The following IL17RD variants were observed in gnomAD, a reference collection of about 807,000 sequenced individuals.
IL17RD encodes the protein interleukin 17 receptor D, also known as interleukin-17 receptor D.
In IL17RD, 52 loss-of-function variants were observed where a neutral mutation model predicts 80.5. That is an observed-to-expected ratio of 0.65 (90% CI 0.52 to 0.81). The LOEUF (loss-of-function observed/expected upper bound fraction) is 0.81. Among genes scored for constraint, IL17RD ranks in the 40% least tolerant of loss-of-function variants. The pLI is 0.00. For missense variants in IL17RD, 1,024 were observed against 955.1 expected, an observed-to-expected ratio of 1.07 and a Z score of -0.95; for synonymous variants, 416 against 391.8, an observed-to-expected ratio of 1.06 and a Z score of -0.73.
chr3:57,110,771 T>C (rs56723425), intron 3 of IL17RD, among the ~76,000 whole-genome samples: 9,432 of 152,322 alleles, frequency 0.062, 403 homozygotes, highest in African/African-American at 0.12. Flanking sequence ...CTGAGCAACA[T>C]ACAAAATTCC....
intron 1 of IL17RD, chr3:57,150,336 T>C (rs182149887): frequency 6.6e-6 from 1 of 152,430 alleles, no homozygotes; most frequent in East Asian, 1.9e-4. Context: ...CAGCCGTCCA[T>C]CTGAGACAGG....
Position 57,092,151 on chromosome 3 carries a change from G to A in IL17RD, c.*4242C>T, listed in dbSNP as rs1278536744. Reference sequence around the variant, plus strand: ...ATGCAAATACCTGGCTCTAATGGACGCTAGGAGGTTCCTTGCCTTACTCTC... The same window carrying A: ...ATGCAAATACCTGGCTCTAATGGACACTAGGAGGTTCCTTGCCTTACTCTC... On this transcript the variant is annotated 3_prime_UTR_variant, in exon 13 of 13. Transcript: ENST00000296318. The A allele has an allele frequency of 2.0e-5, 3 of 152,618 alleles. No homozygotes were observed. Among genetic ancestry groups the A allele is most frequent in the East Asian group, 1.9e-4 (1 of 5,196 alleles). The allele number at this position is 152,618 out of a possible 1,614,324, so 9.5% of individuals were successfully genotyped here.
chr3:57,124,079 G>A (rs1027879745), intron 1 of IL17RD, among the ~76,000 whole-genome samples: 1 of 151,992 alleles, frequency 6.6e-6, no homozygotes, highest in Non-Finnish European at 1.5e-5. Flanking sequence ...TTTCATTCCT[G>A]GAATTCCTCA....
At chr3:57,169,176 A>T, upstream of IL17RD, 1 of 499,716 alleles carries the variant, frequency 2.0e-6, no homozygotes, top group Non-Finnish European at 4.0e-6. Flanking sequence ...TCAGCTGTGG[A>T]GGTGACCAGA....
At chr3:57,152,768 T>C (rs1443140616) in intron 1 of IL17RD, among the ~76,000 whole-genome samples, 1 of 152,194 alleles carries the variant, frequency 6.6e-6, no homozygotes, top group African/African-American at 2.4e-5. Flanking sequence ...CGGACTCTAA[T>C]AAAATAATGT....
chr3:57,114,621 T>G, intron 3 of IL17RD, 71 bp downstream of exon 3: 1 of 1,442,034 alleles, frequency 6.9e-7, no homozygotes, highest in Non-Finnish European at 9.3e-7. Flanking sequence ...CTGGAGACCA[T>G]CATGTGGGAC....
In IL17RD at chr3:57,102,461, C is replaced by A. The variant is rs776180871; in HGVS notation, c.979+18G>T. ...GCCTGCCCCTTGTTGTGGGGAGACA[C>A]AGCACACAAAGAGATACCTTGTTGC... On this transcript the variant is annotated intron_variant, in intron 10 of 12. Coordinates refer to ENST00000296318, the MANE Select transcript of IL17RD (RefSeq NM_017563.5). The A allele has an allele frequency of 7.0e-7, 1 of 1,420,620 alleles. No homozygotes were observed. Among genetic ancestry groups the A allele is most frequent in the Non-Finnish European group, 9.7e-7 (1 of 1,031,708 alleles). The allele number at this position is 1,420,620 out of a possible 1,614,324, so 88.0% of individuals were successfully genotyped here.
At chr3:57,130,509 A>C (rs141135756) in intron 1 of IL17RD, among the ~76,000 whole-genome samples, 1 of 152,342 alleles carries the variant, frequency 6.6e-6, no homozygotes, top group East Asian at 1.9e-4. Flanking sequence ...CTAAAGCCAG[A>C]GTGACCCTTC....
chr3:57,150,813 C>G (rs1296812414), intron 1 of IL17RD, among the ~76,000 whole-genome samples: 2 of 152,160 alleles, frequency 1.3e-5, no homozygotes, highest in African/African-American at 4.8e-5. Flanking sequence ...AAGAGGAATT[C>G]AGAAGAGTCA....
chr3:57,119,542 A>G (rs1216807529), intron 2 of IL17RD, among the ~76,000 whole-genome samples: 1 of 152,056 alleles, frequency 6.6e-6, no homozygotes, highest in Non-Finnish European at 1.5e-5. Context: ...AAAGAAAAAG[A>G]AAAGAAAAGA....
Position 57,114,786 on chromosome 3 carries a change from CT to C in IL17RD, c.215del (p.Lys72SerfsTer3). Reference sequence around the variant, plus strand: ...TATTCTGGGCGTCAGCAATCACATGCTTCCCCACTGGATTCAAGTAGGTGGT... The same window carrying C: ...TATTCTGGGCGTCAGCAATCACATGCTCCCCACTGGATTCAAGTAGGTGGT... ...NCTTYLNPVG[K>X]HVIADAQNIT... On this transcript the variant is annotated frameshift_variant, in exon 3 of 13. Coordinates refer to ENST00000296318, the MANE Select transcript of IL17RD (RefSeq NM_017563.5). LOFTEE classifies it high-confidence loss of function. 1 of 1,610,640 alleles carries C rather than the reference CT, an allele frequency of 6.2e-7. No homozygotes were observed. Among genetic ancestry groups the C allele is most frequent in the Non-Finnish European group, 8.5e-7 (1 of 1,178,556 alleles).
intron 1 of IL17RD, among the ~76,000 whole-genome samples, chr3:57,135,054 G>A (rs1707695858): frequency 6.6e-6 from 1 of 152,146 alleles, no homozygotes; most frequent in Admixed American, 6.5e-5. Context: ...GTAGCAGTGA[G>A]CCATGATCAC....
rs373861269 is a variant in IL17RD at position 57,144,340 on chromosome 3, C to T, written c.126+20821G>A. ...GCTCACCATCTCTTCCTTTCCCTAG[C>T]CGTTCACCATCTCTTCCTCCTCTGG... On this transcript the variant is annotated intron_variant, in intron 1 of 12. Transcript: ENST00000296318. Among the ~76,000 whole-genome samples the T allele has an allele frequency of 5.3e-5, 8 of 152,322 alleles. No homozygotes were observed. In the East Asian group the frequency reaches 1.2e-3, roughly 22 times the overall value.
chr3:57,096,328 A>C lies in IL17RD; in HGVS notation c.*65T>G, dbSNP rs1706670174. 5 of 1,073,850 alleles carry C rather than the reference A, an allele frequency of 4.7e-6. No homozygotes were observed. The Admixed American group carries it at 5.1e-5, about 11-fold the overall frequency. 66.5% of individuals were successfully genotyped at this position (1,073,850 alleles called of 1,614,324 possible). A position where few individuals can be genotyped will look rare whatever the true frequency, so the allele number is the denominator to read the frequency against. On this transcript the variant is annotated 3_prime_UTR_variant, in exon 13 of 13. Transcript: ENST00000296318. ...CTCCAAGTGGGCCATGCAACCAGGG[A>C]GATGAGCTGGGGAATCAGAGGGAGG...
intron 1 of IL17RD, chr3:57,134,426 G>A (rs968912206): frequency 6.7e-6 from 5 of 749,054 alleles, no homozygotes; most frequent in Non-Finnish European, 1.2e-5. Flanking sequence ...CTTGGATGAG[G>A]AGAATGCGGA....
Position 57,102,461 on chromosome 3 carries a change from C to T in IL17RD, c.979+18G>A. On this transcript the variant is annotated intron_variant, in intron 10 of 12. Coordinates refer to ENST00000296318, the MANE Select transcript of IL17RD (RefSeq NM_017563.5). ...GCCTGCCCCTTGTTGTGGGGAGACA[C>T]AGCACACAAAGAGATACCTTGTTGC... 1.4e-6 allele frequency: 2 copies of T among 1,420,620 alleles called. No individual in the cohort carries two copies. Among genetic ancestry groups the T allele is most frequent in the Non-Finnish European group, 1.9e-6 (2 of 1,031,708 alleles). The allele number at this position is 1,420,620 out of a possible 1,614,324, so 88.0% of individuals were successfully genotyped here. A position where few individuals can be genotyped will look rare whatever the true frequency, so the allele number is the denominator to read the frequency against.
intron 1 of IL17RD, among the ~76,000 whole-genome samples, chr3:57,129,508 G>GGGA (rs1206313096): frequency 6.6e-6 from 1 of 152,154 alleles, no homozygotes; most frequent in Non-Finnish European, 1.5e-5. Context: ...CCGAGGCACA[G>GGGA]GGACTGAGTC....
intron 4 of IL17RD, among the ~76,000 whole-genome samples, chr3:57,109,867 T>C (rs1003312021): frequency 2.0e-5 from 3 of 152,238 alleles, no homozygotes; most frequent in African/African-American, 7.2e-5. Context: ...GGTCTGTTTT[T>C]TGGCAAAGAA....
At chr3:57,120,681 T>C (rs1707317324) in intron 1 of IL17RD, among the ~76,000 whole-genome samples, 1 of 152,214 alleles carries the variant, frequency 6.6e-6, no homozygotes, top group Admixed American at 6.5e-5. Context: ...TGATTGGTTA[T>C]AAAATTCATC....
Sources: allele counts gnomAD v4.1 joint callset (sites outside exome capture counted in the v4.1 genomes callset), GRCh38; gene constraint gnomAD v4.1.1; transcripts MANE v1.5; gene names NCBI Gene and HGNC (gene_info 2026-07-23, HGNC 2026-07-21).